Variants in KMT2C observed in about 807,000 individuals in gnomAD.
KMT2C encodes the protein histone-lysine N-methyltransferase 2C.
A neutral mutation model predicts 507.9 loss-of-function variants in KMT2C; 88 were observed. The ratio of observed to expected loss-of-function variants is 0.17; its 90% CI spans 0.15 to 0.21. The LOEUF (loss-of-function observed/expected upper bound fraction) is 0.21. KMT2C is among the 10% of genes least tolerant of loss of function. The probability of loss-of-function intolerance (pLI) is 1.00; values close to 1 mark genes in which losing one functional copy is unlikely to be tolerated. For synonymous variants in KMT2C, 2,049 were observed against 2,080.8 expected (o/e 0.98, Z 0.42); for missense variants, 4,954 against 5,957.8 (o/e 0.83, Z 5.55).
At chr7:152,234,201 A>G (rs2095210797) in intron 16 of KMT2C, among the ~76,000 whole-genome samples, 1 of 151,896 alleles carries the variant, frequency 6.6e-6, no homozygotes, top group East Asian at 2.0e-4. Context: ...AACATGGTGA[A>G]AAACTGTCTC....
At chr7:152,235,066 T>C (rs888965820) in intron 16 of KMT2C, among the ~76,000 whole-genome samples, 9 of 152,090 alleles carry the variant, frequency 5.9e-5, no homozygotes, top group Non-Finnish European at 1.2e-4. Flanking sequence ...ATTCCACTTA[T>C]ATACAACTCT....
At position 152,138,975 on chromosome 7, in the gene KMT2C, T is replaced by C. The variant is rs1563112139; in HGVS notation, c.14535-71A>G. ...GCAGCTTTAAAAACTTCCCATTTAT[T>C]GATAAAGCAGTTTTTGCTAATTAAA... On this transcript the variant is annotated intron_variant, in intron 57 of 58. Coordinates refer to ENST00000262189, the MANE Select transcript of KMT2C (RefSeq NM_170606.3). The surrounding 1 kb of genome is among the most constrained non-coding windows in gnomAD (Gnocchi z 4.2). 3 of 1,220,288 alleles carry C rather than the reference T, an allele frequency of 2.5e-6. No individual in the cohort carries two copies. The highest frequency in any genetic ancestry group is 3.6e-6 in the Non-Finnish European group (3 of 827,296). The allele number at this position is 1,220,288 out of a possible 1,614,324, so 75.6% of individuals were successfully genotyped here.
At position 152,222,027 on chromosome 7, in the gene KMT2C, T is replaced by G. The variant is rs2094788054; in HGVS notation, c.3473A>C (p.Gln1158Pro). Residue 1158 changes from glutamine to proline, a missense_variant, in exon 22 of 59, where the codon CAA becomes CCA. By Grantham distance (76) the Gln-to-Pro change is moderately conservative (BLOSUM62 -1). Coordinates refer to ENST00000262189, the MANE Select transcript of KMT2C (RefSeq NM_170606.3). ...SDCCESSLVA[Q>P]IVTKVKELDP... ...TAGCTCTTTTACTTTTGTGACAATT[T>G]GTGCTACAAGTGAAGATTCACAGCA... 6.2e-7 allele frequency: 1 copy of G among 1,605,780 alleles called. No homozygotes were observed. The highest frequency in any genetic ancestry group is 8.5e-7 in the Non-Finnish European group (1 of 1,176,878).
rs2129113715 is a variant in KMT2C at position 152,176,827 on chromosome 7, C to A, written c.8626G>T (p.Asp2876Tyr). Residue 2876 changes from aspartate (D) to tyrosine (Y), a missense_variant, in exon 38 of 59, where the codon GAT becomes TAT. Asp to Tyr is a radical substitution (Grantham distance 160). This residue lies in a region of KMT2C where 1,689 missense variants were observed against 1,654.3 expected (regional missense o/e 1.02). Coordinates refer to ENST00000262189, the MANE Select transcript of KMT2C (RefSeq NM_170606.3). ...CGATTGGTTCTTTTCTCAAATAGAT[C>A]TGGATCACAAGGATGCAAAGAAGTC... ...EKTSLHPCDP[D>Y]LFEKRTNRET... 6.2e-7 allele frequency: 1 copy of A among 1,614,194 alleles called. No individual in the cohort carries two copies. The highest frequency in any genetic ancestry group is 8.5e-7 in the Non-Finnish European group (1 of 1,180,046).
chr7:152,367,875 G>C, intron 1 of KMT2C: 2 of 1,067,300 alleles, frequency 1.9e-6, no homozygotes, highest in Non-Finnish European at 1.5e-6. Context: ...TAAACCATTG[G>C]ATATTGAGTT....
At chr7:152,340,563 A>G (rs2096981955) in intron 2 of KMT2C, among the ~76,000 whole-genome samples, 2 of 152,152 alleles carry the variant, frequency 1.3e-5, no homozygotes, top group East Asian at 1.9e-4. Context: ...ATTTATTAAC[A>G]CTATCTTTAT....
chr7:152,335,883 G>C (rs1009562160), intron 2 of KMT2C, among the ~76,000 whole-genome samples: 12 of 151,046 alleles, frequency 7.9e-5, no homozygotes, highest in African/African-American at 2.7e-4. Flanking sequence ...ATTTCAAAGA[G>C]AAAAAAACAG....
At chr7:152,166,803 C>T (rs564278712) in intron 42 of KMT2C, among the ~76,000 whole-genome samples, 1 of 152,260 alleles carries the variant, frequency 6.6e-6, no homozygotes, top group South Asian at 2.1e-4. Context: ...TGATGTATAA[C>T]AGAAACATGG....
chr7:152,259,454 A>ACGCG (rs1563624861), intron 9 of KMT2C, among the ~76,000 whole-genome samples: 5 of 136,692 alleles, frequency 3.7e-5, no homozygotes, highest in African/African-American at 1.5e-4. Context: ...GCGCACACAC[A>ACGCG]CACACACACA....
At chr7:152,249,194 T>C (rs188116079) in intron 13 of KMT2C, among the ~76,000 whole-genome samples, 1 of 152,170 alleles carries the variant, frequency 6.6e-6, no homozygotes, top group Non-Finnish European at 1.5e-5. Context: ...ACATAGTCAC[T>C]GGTAAATTTT....
At chr7:152,174,903 G>C (rs557803745) in intron 38 of KMT2C, among the ~76,000 whole-genome samples, 2 of 152,090 alleles carry the variant, frequency 1.3e-5, no homozygotes, top group Non-Finnish European at 2.9e-5. Flanking sequence ...GGTTTATATA[G>C]CAAAAAATCG....
intron 31 of KMT2C, among the ~76,000 whole-genome samples, chr7:152,191,891 T>G (rs1236620659): frequency 6.6e-6 from 1 of 152,228 alleles, no homozygotes; most frequent in East Asian, 1.9e-4. Context: ...CAATGAAATC[T>G]TAGTGATTCA....
Position 152,202,917 on chromosome 7 carries a change from G to A in KMT2C, c.4092+17C>T, listed in dbSNP as rs2129135547. ...CAATTAACAAACCATGTAAAATAAT[G>A]TAAAGCAAAATATTACTTGTAAATA... On this transcript the variant is annotated intron_variant, in intron 26 of 58. Coordinates refer to ENST00000262189, the MANE Select transcript of KMT2C (RefSeq NM_170606.3). 1 of 1,569,236 alleles carries A rather than the reference G, an allele frequency of 6.4e-7. No homozygotes were observed. The highest frequency in any genetic ancestry group is 8.7e-7 in the Non-Finnish European group (1 of 1,147,558).
chr7:152,386,054 T>G (rs2097422879), intron 1 of KMT2C, among the ~76,000 whole-genome samples: 2 of 150,588 alleles, frequency 1.3e-5, no homozygotes, highest in Admixed American at 1.3e-4. Flanking sequence ...ACCACTGCAC[T>G]CCAGCCCGAG....
rs139330051 is a variant in KMT2C at position 152,434,827 on chromosome 7, C to A, written c.161+799G>T. Reference sequence around the variant, plus strand: ...AGGCAGGCGACCCTATTCCCAAGCCCCTTACAGCTAAGACTTACGAGGGAA... The same window carrying A: ...AGGCAGGCGACCCTATTCCCAAGCCACTTACAGCTAAGACTTACGAGGGAA... On this transcript the variant is annotated intron_variant, in intron 1 of 58. Coordinates refer to ENST00000262189, the MANE Select transcript of KMT2C (RefSeq NM_170606.3). Among the ~76,000 whole-genome samples, 32 of 152,290 alleles carry A rather than the reference C, an allele frequency of 2.1e-4. No individual in the cohort carries two copies. The East Asian group carries it at 6.0e-3, about 28-fold the overall frequency.
intron 23 of KMT2C, among the ~76,000 whole-genome samples, chr7:152,219,404 A>G (rs1484725580): frequency 6.6e-6 from 1 of 152,122 alleles, no homozygotes; most frequent in African/African-American, 2.4e-5. Flanking sequence ...TGCTTTGTAC[A>G]CTGATATGAT....
chr7:152,371,574 GAC>G (rs748977160), intron 1 of KMT2C, among the ~76,000 whole-genome samples: 287 of 152,000 alleles, frequency 1.9e-3, no homozygotes, highest in Middle Eastern at 0.01. Flanking sequence ...TACTCCAGAA[GAC>G]ACAGATTGGC....
At chr7:152,267,864 G>T (rs373128372) in intron 7 of KMT2C, among the ~76,000 whole-genome samples, 1 of 134,960 alleles carries the variant, frequency 7.4e-6, no homozygotes, top group East Asian at 2.1e-4. Context: ...TCACTATCTC[G>T]TGGTCATGGT....
chr7:152,274,008 TTAAAAA>T (rs1441189889), intron 6 of KMT2C, 141 bp from the exon 7 acceptor site: 15 of 743,068 alleles, frequency 2.0e-5, no homozygotes, highest in Admixed American at 4.0e-5. Flanking sequence ...AAAGGATTCG[TTAAAAA>T]TAATAAAATC....
Sources: gnomAD v4.1 joint callset for allele counts (sites outside exome capture counted in the v4.1 genomes callset) on GRCh38, gnomAD v4.1.1 for gene constraint, gnomAD v4.1.1 regional missense constraint, Gnocchi (gnomAD v3.1) non-coding constraint, MANE v1.5 for transcripts, NCBI Gene and HGNC (gene_info 2026-07-23, HGNC 2026-07-21) for gene names.